LCLAT1: variants seen among roughly 807,000 people sequenced by gnomAD.
The protein encoded by LCLAT1 is 1-AGP acyltransferase 8.
A neutral mutation model predicts 30.7 loss-of-function variants in LCLAT1; 11 were observed. That is an observed-to-expected ratio of 0.36 (90% CI 0.23 to 0.59). LCLAT1 has a LOEUF of 0.59. LCLAT1 is among the 20% of genes least tolerant of loss of function. LCLAT1 has a pLI of 0.77. For synonymous variants in LCLAT1, 155 were observed against 151.3 expected (o/e 1.02, Z -0.18); for missense variants, 402 against 458.6 (o/e 0.88, Z 1.13).
rs1173344470 is a variant in LCLAT1 at position 30,642,649 on chromosome 2, A to T, written c.*2030A>T. On this transcript the variant is annotated 3_prime_UTR_variant, in exon 6 of 6. Coordinates refer to ENST00000379509, the MANE Select transcript of LCLAT1 (RefSeq NM_001002257.3). ...GGCTCATTGTTCAAGGTGTAACAAC[A>T]TTTAATTGCATGTCCTCTAACGCTT... The T allele has an allele frequency of 6.6e-6, 1 of 152,006 alleles. No homozygotes were observed. Among genetic ancestry groups the T allele is most frequent in the Non-Finnish European group, 1.5e-5 (1 of 67,984 alleles). The allele number at this position is 152,006 out of a possible 1,614,324, so 9.4% of individuals were successfully genotyped here.
intron 5 of LCLAT1, among the ~76,000 whole-genome samples, chr2:30,582,490 T>G (rs1355498206): frequency 6.6e-6 from 1 of 152,198 alleles, no homozygotes; most frequent in Non-Finnish European, 1.5e-5. Context: ...TTTGGCTTAT[T>G]TGCTCTCTCC....
intron 5 of LCLAT1, among the ~76,000 whole-genome samples, chr2:30,622,011 G>C (rs1042247178): frequency 6.6e-6 from 1 of 152,164 alleles, no homozygotes; most frequent in South Asian, 2.1e-4. Flanking sequence ...AGTGAGGGGG[G>C]TTGTAGCCTG....
intron 1 of LCLAT1, among the ~76,000 whole-genome samples, chr2:30,464,961 T>A (rs1056162904): frequency 1.3e-5 from 2 of 152,286 alleles, no homozygotes; most frequent in Non-Finnish European, 2.9e-5. Context: ...GCTCAAGCAG[T>A]CTGCCCACAA....
chr2:30,576,478 A>G (rs780404504), intron 5 of LCLAT1, among the ~76,000 whole-genome samples: 3 of 152,104 alleles, frequency 2.0e-5, no homozygotes, highest in African/African-American at 7.2e-5. Context: ...AATAGAGAAG[A>G]TAAGTTTCAG....
intron 2 of LCLAT1, among the ~76,000 whole-genome samples, chr2:30,530,689 G>A (rs1057191852): frequency 1.3e-5 from 2 of 152,080 alleles, no homozygotes; most frequent in African/African-American, 4.8e-5. Flanking sequence ...AAGGCTCTGG[G>A]CATGTTCCAC....
intron 5 of LCLAT1, among the ~76,000 whole-genome samples, chr2:30,576,687 T>C (rs1412382521): frequency 6.6e-6 from 1 of 152,134 alleles, no homozygotes; most frequent in East Asian, 1.9e-4. Flanking sequence ...TATGCTTCTT[T>C]TTTGGGTTTG....
chr2:30,536,147 G>C (rs1260628843), intron 3 of LCLAT1, among the ~76,000 whole-genome samples: 1 of 152,160 alleles, frequency 6.6e-6, no homozygotes, highest in East Asian at 1.9e-4. Context: ...AGAACATGTG[G>C]AACATCATTA....
At chr2:30,610,349 G>A (rs1311954979) in intron 5 of LCLAT1, among the ~76,000 whole-genome samples, 1 of 151,680 alleles carries the variant, frequency 6.6e-6, no homozygotes, top group Non-Finnish European at 1.5e-5. Context: ...AATTCTTTTT[G>A]TGGACAAATA....
intron 1 of LCLAT1, among the ~76,000 whole-genome samples, chr2:30,514,390 C>T (rs1055935812): frequency 7.2e-5 from 11 of 152,142 alleles, no homozygotes; most frequent in African/African-American, 2.7e-4. Flanking sequence ...GACAGTTGGC[C>T]AGAGTCATTA....
At chr2:30,594,606 CA>C (rs1489896256) in intron 5 of LCLAT1, among the ~76,000 whole-genome samples, 1 of 152,140 alleles carries the variant, frequency 6.6e-6, no homozygotes, top group Non-Finnish European at 1.5e-5. Context: ...TCTTCACAAC[CA>C]AAGTTTCCAG....
chr2:30,538,936 T>C (rs1663964166), intron 3 of LCLAT1, among the ~76,000 whole-genome samples: 1 of 151,062 alleles, frequency 6.6e-6, no homozygotes, highest in African/African-American at 2.4e-5. Context: ...GCTTCACTAC[T>C]GAATTCTACC....
chr2:30,607,145 T>C (rs952764697), intron 5 of LCLAT1: 2 of 151,698 alleles, frequency 1.3e-5, no homozygotes, highest in Non-Finnish European at 3.0e-5. Context: ...TGGGAATGTA[T>C]ATTAGTTCAA....
At chr2:30,589,553 C>T (rs1277980267) in intron 5 of LCLAT1, among the ~76,000 whole-genome samples, 1 of 151,896 alleles carries the variant, frequency 6.6e-6, no homozygotes, top group African/African-American at 2.4e-5. Context: ...AGACATACAA[C>T]AGAGTAAGAA....
At chr2:30,544,859 A>G (rs1262810342) in intron 3 of LCLAT1, among the ~76,000 whole-genome samples, 1 of 152,154 alleles carries the variant, frequency 6.6e-6, no homozygotes, top group East Asian at 1.9e-4. Context: ...TTACTGCTGT[A>G]GTCATTTTTA....
intron 3 of LCLAT1, 23 bp from the exon 4 acceptor site, chr2:30,562,122 AT>A: frequency 6.4e-7 from 1 of 1,561,640 alleles, no homozygotes. Context: ...TTATAGGTAA[AT>A]TTTATTGTTA....
intron 1 of LCLAT1, among the ~76,000 whole-genome samples, chr2:30,523,203 G>A (rs371346090): frequency 1.3e-5 from 2 of 151,742 alleles, no homozygotes; most frequent in African/African-American, 2.4e-5. Context: ...TTGCAGGACT[G>A]GGGGGCGGGG....
At chr2:30,527,627 A>G (rs986959022) in intron 2 of LCLAT1, among the ~76,000 whole-genome samples, 25 of 152,170 alleles carry the variant, frequency 1.6e-4, no homozygotes, top group African/African-American at 5.1e-4. Flanking sequence ...CTTTCTAGTC[A>G]TTTGAACTTG....
At chr2:30,472,892 A>G (rs1003081248) in intron 1 of LCLAT1, among the ~76,000 whole-genome samples, 7 of 152,188 alleles carry the variant, frequency 4.6e-5, no homozygotes, top group Non-Finnish European at 8.8e-5. Flanking sequence ...GCATTAGATG[A>G]AACTTTTAAG....
At chr2:30,525,793 A>G (rs748534836) in intron 2 of LCLAT1, 38 bp downstream of exon 2, 2 of 1,594,390 alleles carry the variant, frequency 1.3e-6, no homozygotes, top group South Asian at 1.1e-5. Context: ...TGCTTGTACT[A>G]GAGTGCTCCC....
Sources: allele counts gnomAD v4.1 joint callset (sites outside exome capture counted in the v4.1 genomes callset), GRCh38; gene constraint gnomAD v4.1.1; transcripts MANE v1.5; gene names NCBI Gene and HGNC (gene_info 2026-07-23, HGNC 2026-07-21).